MED12L: variants seen among roughly 807,000 people sequenced by gnomAD.
MED12L encodes mediator complex subunit 12L.
In MED12L, 60 loss-of-function variants were observed where a neutral mutation model predicts 281.3. The observed-to-expected ratio is 0.21, with a 90% CI of 0.17 to 0.26. The LOEUF (loss-of-function observed/expected upper bound fraction) is 0.26, where lower values mean the gene tolerates loss of function less well. Among genes scored for constraint, MED12L ranks in the 10% least tolerant of loss-of-function variants. The pLI, the probability that MED12L is intolerant of heterozygous loss-of-function variation, is 1.00. For synonymous variants in MED12L, 974 were observed against 987.2 expected (o/e 0.99, Z 0.25); for missense variants, 2,146 against 2,680.9 (o/e 0.80, Z 4.41).
intron 16 of MED12L, among the ~76,000 whole-genome samples, chr3:151,345,922 A>G (rs760883476): frequency 1.3e-5 from 2 of 152,218 alleles, no homozygotes; most frequent in Non-Finnish European, 2.9e-5. Context: ...AGACTACTGT[A>G]GTAACACCTA....
chr3:151,158,093 T>C (rs1719520309), intron 6 of MED12L, among the ~76,000 whole-genome samples: 1 of 152,212 alleles, frequency 6.6e-6, no homozygotes, highest in Non-Finnish European at 1.5e-5. Flanking sequence ...GGGGCATTTT[T>C]GGAAATTGTA....
chr3:151,189,729 A>G (rs1037352069), intron 13 of MED12L, among the ~76,000 whole-genome samples: 1 of 152,212 alleles, frequency 6.6e-6, no homozygotes, highest in Non-Finnish European at 1.5e-5. Flanking sequence ...GTGTTTGTGA[A>G]TGTGATGGTA....
At chr3:151,171,413 A>G (rs1227364876) in intron 11 of MED12L, among the ~76,000 whole-genome samples, 1 of 152,190 alleles carries the variant, frequency 6.6e-6, no homozygotes, top group Non-Finnish European at 1.5e-5. Context: ...TAGAAGGGAC[A>G]GGCTAAAGGT....
At chr3:151,351,405 T>C (rs1158389644) in intron 17 of MED12L, among the ~76,000 whole-genome samples, 1 of 152,172 alleles carries the variant, frequency 6.6e-6, no homozygotes, top group Non-Finnish European at 1.5e-5. Flanking sequence ...CCTAACTCCC[T>C]TCCATTCCCA....
At chr3:151,337,703 A>G (rs1349206609) in intron 16 of MED12L, 2 of 1,038,102 alleles carry the variant, frequency 1.9e-6, no homozygotes, top group African/African-American at 1.6e-5. Context: ...CTGTTTCTTT[A>G]GAGTCATTAT....
At chr3:151,142,342 AT>A (rs1717145183) in intron 5 of MED12L, among the ~76,000 whole-genome samples, 1 of 152,244 alleles carries the variant, frequency 6.6e-6, no homozygotes, top group Admixed American at 6.5e-5. Flanking sequence ...CAAAAGCTCA[AT>A]GTTTAATGAG....
At chr3:151,227,999 G>A (rs1342305493) in intron 16 of MED12L, among the ~76,000 whole-genome samples, 1 of 152,134 alleles carries the variant, frequency 6.6e-6, no homozygotes, top group East Asian at 1.9e-4. Flanking sequence ...ACCCCTTAAT[G>A]GTAGGTATGT....
intron 16 of MED12L, among the ~76,000 whole-genome samples, chr3:151,275,006 C>T (rs1741613322): frequency 6.6e-6 from 1 of 152,146 alleles, no homozygotes; most frequent in Non-Finnish European, 1.5e-5. Flanking sequence ...GCTCTCCTAC[C>T]AACCTTTGAC....
At chr3:151,177,594 C>T (rs895924172) in intron 11 of MED12L, among the ~76,000 whole-genome samples, 1 of 151,970 alleles carries the variant, frequency 6.6e-6, no homozygotes, top group East Asian at 1.9e-4. Context: ...GGCTCAAGCT[C>T]TCTTCCCATC....
chr3:151,298,346 A>T (rs1473602929), intron 16 of MED12L, among the ~76,000 whole-genome samples: 1 of 152,220 alleles, frequency 6.6e-6, no homozygotes, highest in Non-Finnish European at 1.5e-5. Context: ...TTTAATTGAC[A>T]GTAGCTTGGT....
intron 16 of MED12L, among the ~76,000 whole-genome samples, chr3:151,259,105 A>T (rs1455107700): frequency 1.3e-5 from 2 of 152,178 alleles, no homozygotes; most frequent in African/African-American, 4.8e-5. Context: ...GAATAAGGAG[A>T]ACCTTTTTTA....
intron 16 of MED12L, among the ~76,000 whole-genome samples, chr3:151,230,107 C>G (rs895897335): frequency 6.6e-6 from 1 of 152,118 alleles, no homozygotes; most frequent in Non-Finnish European, 1.5e-5. Flanking sequence ...GTAGCTGGGA[C>G]TACAGGTGCC....
intron 16 of MED12L, among the ~76,000 whole-genome samples, chr3:151,197,530 C>T (rs1335952434): frequency 6.6e-6 from 1 of 152,150 alleles, no homozygotes; most frequent in African/African-American, 2.4e-5. Flanking sequence ...GTAGCTCGGC[C>T]TGTGCTACAT....
chr3:151,328,543 C>T (rs376836205), intron 16 of MED12L: 183 of 1,613,734 alleles, frequency 1.1e-4, no homozygotes, highest in Non-Finnish European at 1.5e-4. Context: ...AGATGAAGAA[C>T]AAAAAGAACC....
At chr3:151,169,687 A>C (rs1721186629) in intron 11 of MED12L, among the ~76,000 whole-genome samples, 1 of 152,254 alleles carries the variant, frequency 6.6e-6, no homozygotes, top group Non-Finnish European at 1.5e-5. Flanking sequence ...TTATACTGGA[A>C]GAACTAATGT....
At chr3:151,359,938 A>G (rs958452336) in intron 20 of MED12L, among the ~76,000 whole-genome samples, 42 of 152,178 alleles carry the variant, frequency 2.8e-4, no homozygotes, top group Admixed American at 2.1e-3. Context: ...CTTATATAAG[A>G]TAAACTAAAA....
Position 151,361,430 on chromosome 3 carries a change from G to GAA in MED12L, c.2957+831_2957+832dup, listed in dbSNP as rs34328280. 1.9e-3 allele frequency among the ~76,000 whole-genome samples: 293 copies of GAA among 151,744 alleles called. 14 individuals are homozygous for GAA. The East Asian group carries it at 0.055, about 28-fold the overall frequency. ...AATGCTATCTAATGTTTCCTGGTAT[G>GAA]AAAAAAATAGAACTGAATTAATCAT... On this transcript the variant is annotated intron_variant, in intron 21 of 44. Coordinates refer to ENST00000687756, the MANE Select transcript of MED12L (RefSeq NM_001393769.1).
At chr3:151,358,001 T>C (rs1754134003) in intron 20 of MED12L, among the ~76,000 whole-genome samples, 1 of 152,168 alleles carries the variant, frequency 6.6e-6, no homozygotes, top group Non-Finnish European at 1.5e-5. Context: ...TTATCCACTC[T>C]CCAGGGCTTT....
intron 16 of MED12L, chr3:151,294,972 G>T (rs746260107): frequency 6.2e-7 from 1 of 1,613,954 alleles, no homozygotes; most frequent in Admixed American, 1.7e-5. Flanking sequence ...GGAAATGTCA[G>T]CGTCATTATG....
Sources: allele counts gnomAD v4.1 joint callset (sites outside exome capture counted in the v4.1 genomes callset), GRCh38; gene constraint gnomAD v4.1.1; transcripts MANE v1.5; gene names NCBI Gene and HGNC (gene_info 2026-07-23, HGNC 2026-07-21).